Variants in ICA1L observed in about 807,000 individuals in gnomAD.
ICA1L encodes islet cell autoantigen 1-like protein.
Under a neutral mutation model 61.3 loss-of-function variants are expected in ICA1L, and 50 were observed. The observed-to-expected ratio is 0.82, with a 90% CI of 0.65 to 1.03. ICA1L has a LOEUF of 1.03. ICA1L is among the 50% of genes least tolerant of loss of function. The pLI is 0.00. For missense variants in ICA1L, 508 were observed against 556.7 expected (o/e 0.91, Z 0.88); for synonymous variants, 161 against 191.3 (o/e 0.84, Z 1.31).
At chr2:202,840,806 C>T (rs1055643658) in intron 1 of ICA1L, 15 of 606,750 alleles carry the variant, frequency 2.5e-5, no homozygotes, top group Non-Finnish European at 3.7e-5. Flanking sequence ...AACTCTCTGG[C>T]CTTTGAGGCC....
chr2:202,774,206 G>A lies in ICA1L; in HGVS notation c.*5327C>T. The stretch of plus-strand genomic sequence containing the variant: ...CGGGCACACCAGGAACTCCAGCAGC[G>A]CCGGATCGAAGGCGCGGGGCGGCTC... On this transcript the variant is annotated 3_prime_UTR_variant, in exon 13 of 13. Coordinates refer to ENST00000358299, the MANE Select transcript of ICA1L (RefSeq NM_001288622.3). The A allele has an allele frequency of 2.6e-6, 4 of 1,550,720 alleles. No individual in the cohort carries two copies. Among genetic ancestry groups the A allele is most frequent in the Non-Finnish European group, 3.5e-6 (4 of 1,146,500 alleles).
At position 202,788,867 on chromosome 2, in the gene ICA1L, G is replaced by T. The variant is rs1397350495; in HGVS notation, c.1206C>A (p.Leu402=). The change falls in exon 11 of 13, where the codon CTC becomes CTA. Residue 402 remains leucine, a synonymous_variant. Transcript: ENST00000358299. ...CAGCCACATGAAAGCCAAGGTCAAA[G>T]AGTTGTGAAGGAAGGAATCGAGAAG... The part of the protein sequence containing the change: ...AHSSRFLPSQ[L]FDLGFHVAGA... 5.0e-6 allele frequency: 8 copies of T among 1,614,108 alleles called. No homozygotes were observed. The highest frequency in any genetic ancestry group is 6.8e-6 in the Non-Finnish European group (8 of 1,180,004).
chr2:202,855,707 T>C (rs534614234), intron 1 of ICA1L, among the ~76,000 whole-genome samples: 1 of 152,262 alleles, frequency 6.6e-6, no homozygotes, highest in East Asian at 1.9e-4. Flanking sequence ...TAGGACCAGA[T>C]GGATTCAGAG....
At chr2:202,841,764 G>C (rs1282947862) in intron 1 of ICA1L, 1 of 447,720 alleles carries the variant, frequency 2.2e-6, no homozygotes, top group African/African-American at 2.0e-5. Context: ...AGGACTTCTG[G>C]GTCACCATGA....
chr2:202,780,460 G>C (rs991680656), intron 12 of ICA1L, among the ~76,000 whole-genome samples: 2 of 152,190 alleles, frequency 1.3e-5, no homozygotes, highest in African/African-American at 4.8e-5. Context: ...ATATTCAAGA[G>C]TGTATATTTG....
In ICA1L at chr2:202,776,029, TG is replaced by T. The variant is rs1692208193; in HGVS notation, c.*3503del. The T allele has an allele frequency of 6.6e-6, 1 of 152,232 alleles. No individual in the cohort carries two copies. 9.4% of individuals were successfully genotyped at this position (152,232 alleles called of 1,614,324 possible). ...GGCTCAGAAAAATAGATAGAGCACATGTAAACTTCCTTCGTTCTAATGCTGT... is the reference window on the plus strand; with the variant it reads ...GGCTCAGAAAAATAGATAGAGCACATTAAACTTCCTTCGTTCTAATGCTGT... On this transcript the variant is annotated 3_prime_UTR_variant, in exon 13 of 13. Transcript: ENST00000358299.
intron 1 of ICA1L, among the ~76,000 whole-genome samples, chr2:202,848,252 C>T (rs1430542853): frequency 2.6e-5 from 4 of 152,132 alleles, no homozygotes; most frequent in African/African-American, 7.2e-5. Flanking sequence ...CGTGAGCCAC[C>T]GCGCCCAGCC....
chr2:202,804,960 C>T (rs1162982849), intron 9 of ICA1L, among the ~76,000 whole-genome samples: 1 of 152,062 alleles, frequency 6.6e-6, no homozygotes, highest in Admixed American at 6.5e-5. Context: ...TTTTAAATAA[C>T]TGAAATTGAA....
rs1361700955 is a variant in ICA1L, at chr2:202,773,221, A to G, written c.*6312T>C. On this transcript the variant is annotated 3_prime_UTR_variant, in exon 13 of 13. Coordinates refer to ENST00000358299, the MANE Select transcript of ICA1L (RefSeq NM_001288622.3). The stretch of plus-strand genomic sequence containing the variant: ...ATTTAATGTCAAAGAAATGAAGGTA[A>G]TTTTACAAACTAAATTTTTGTAAGT... 2 of 152,216 alleles carry G rather than the reference A, an allele frequency of 1.3e-5. No individual in the cohort carries two copies. The highest frequency in any genetic ancestry group is 1.9e-4 in the East Asian group (1 of 5,206). The allele number at this position is 152,216 out of a possible 1,614,324, so 9.4% of individuals were successfully genotyped here. A position where few individuals can be genotyped will look rare whatever the true frequency, so the allele number is the denominator to read the frequency against.
chr2:202,835,742 G>A (rs1336941190), intron 1 of ICA1L, among the ~76,000 whole-genome samples: 1 of 151,462 alleles, frequency 6.6e-6, no homozygotes, highest in Non-Finnish European at 1.5e-5. Context: ...AGAGATGGGT[G>A]TCTCACTATG....
At chr2:202,791,626 C>A (rs1351579877) in intron 10 of ICA1L, among the ~76,000 whole-genome samples, 1 of 152,192 alleles carries the variant, frequency 6.6e-6, no homozygotes, top group African/African-American at 2.4e-5. Context: ...GCAGGTGGAT[C>A]TCCTTAGGTC....
At chr2:202,825,899 C>CTATG in intron 2 of ICA1L, 132 bp from the exon 3 acceptor site, 1 of 517,744 alleles carries the variant, frequency 1.9e-6, no homozygotes, top group Non-Finnish European at 3.2e-6. Context: ...TTTTTCTTGG[C>CTATG]TATGACATGC....
rs1045526560 is a variant in ICA1L at position 202,814,758 on chromosome 2, A to C, written c.810T>G (p.Ile270Met). ...LKQLQDTPSK[I>M]SEDNKDEQIG... ...TTTGTTCATCTTTATTGTCTTCACT[A>C]ATCTTGCTTGGCGTGTCTTGTAGTT... is the stretch of plus-strand genomic sequence containing the variant. The change falls in exon 8 of 13, where the codon ATT (isoleucine) becomes ATG (methionine). Residue 270 changes from isoleucine (I) to methionine (M), a missense_variant. By Grantham distance (10) the Ile-to-Met change is conservative. Coordinates refer to ENST00000358299, the MANE Select transcript of ICA1L (RefSeq NM_001288622.3). The C allele has an allele frequency of 1.2e-6, 2 of 1,613,686 alleles. No homozygotes were observed. Among genetic ancestry groups the C allele is most frequent in the Non-Finnish European group, 1.7e-6 (2 of 1,179,708 alleles).
chr2:202,843,086 C>T (rs1375338318), intron 1 of ICA1L, among the ~76,000 whole-genome samples: 9 of 152,132 alleles, frequency 5.9e-5, no homozygotes, highest in African/African-American at 2.2e-4. Context: ...ATTCACTAAA[C>T]TTAAAGCAAT....
intron 1 of ICA1L, among the ~76,000 whole-genome samples, chr2:202,862,272 C>CAAAAAAAAAAAAAA (rs778355110): frequency 6.4e-5 from 4 of 62,976 alleles, no homozygotes; most frequent in African/African-American, 3.3e-4. Context: ...CTCATTTCTA[C>CAAAAAAAAAAAAAA]AAAAAAAAAA....
intron 1 of ICA1L, among the ~76,000 whole-genome samples, chr2:202,856,990 A>G (rs1415044900): frequency 6.6e-6 from 1 of 152,206 alleles, no homozygotes. Flanking sequence ...GAGGATACAA[A>G]CAAATGCAAA....
At chr2:202,816,262 A>G (rs1450474307) in intron 6 of ICA1L, among the ~76,000 whole-genome samples, 4 of 152,228 alleles carry the variant, frequency 2.6e-5, no homozygotes, top group Non-Finnish European at 5.9e-5. Context: ...AGCCACCCAG[A>G]GAGTGACTGC....
intron 10 of ICA1L, among the ~76,000 whole-genome samples, chr2:202,796,608 C>T (rs1051241470): frequency 1.3e-5 from 2 of 152,100 alleles, no homozygotes; most frequent in Non-Finnish European, 2.9e-5. Flanking sequence ...ATTCATTCAA[C>T]AAATATTTCC....
chr2:202,846,162 T>C (rs1475779183), intron 1 of ICA1L, among the ~76,000 whole-genome samples: 1 of 152,220 alleles, frequency 6.6e-6, no homozygotes, highest in Non-Finnish European at 1.5e-5. Context: ...ACAATTAACA[T>C]GTATAACTAT....
Sources: allele counts gnomAD v4.1 joint callset (sites outside exome capture counted in the v4.1 genomes callset), GRCh38; gene constraint gnomAD v4.1.1; transcripts MANE v1.5; gene names NCBI Gene and HGNC (gene_info 2026-07-23, HGNC 2026-07-21).